The following CNTNAP2 variants were observed in gnomAD, a reference collection of about 807,000 sequenced individuals.
CNTNAP2 encodes the protein contactin associated protein 2, also known as contactin-associated protein-like 2.
Under a neutral mutation model 155.2 loss-of-function variants are expected in CNTNAP2, and 98 were observed. The ratio of observed to expected loss-of-function variants is 0.63; its 90% CI spans 0.54 to 0.75. The LOEUF (loss-of-function observed/expected upper bound fraction) is 0.75. Among genes scored for constraint, CNTNAP2 ranks in the 30% least tolerant of loss-of-function variants. CNTNAP2 has a pLI of 0.00. For missense variants in CNTNAP2, 1,727 were observed against 1,688.1 expected (o/e 1.02, Z -0.40); for synonymous variants, 651 against 631.2 (o/e 1.03, Z -0.47).
intron 1 of CNTNAP2, among the ~76,000 whole-genome samples, chr7:146,764,426 C>T (rs1464530771): frequency 6.6e-6 from 1 of 151,464 alleles, no homozygotes; most frequent in Non-Finnish European, 1.5e-5. Flanking sequence ...ATTTGTTTTC[C>T]AGATTACAGC....
chr7:148,399,321 C>T (rs12538091), intron 22 of CNTNAP2, among the ~76,000 whole-genome samples: 28,540 of 149,466 alleles, frequency 0.19, 2,898 homozygotes, highest in Non-Finnish European at 0.22. Context: ...TTTAAAAATA[C>T]GTCTAGCCAG....
At chr7:147,744,591 A>G (rs1205645951) in intron 13 of CNTNAP2, among the ~76,000 whole-genome samples, 3 of 152,220 alleles carry the variant, frequency 2.0e-5, no homozygotes, top group African/African-American at 2.4e-5. Flanking sequence ...ATAAAATAAC[A>G]AAGATTGGAT....
intron 1 of CNTNAP2, among the ~76,000 whole-genome samples, chr7:146,662,812 T>G (rs897770716): frequency 1.3e-5 from 2 of 152,214 alleles, no homozygotes; most frequent in Non-Finnish European, 1.5e-5. Flanking sequence ...ATTGAACATT[T>G]TTTTAAATAC....
intron 9 of CNTNAP2, among the ~76,000 whole-genome samples, chr7:147,318,576 A>G (rs561818346): frequency 2.0e-5 from 3 of 152,178 alleles, no homozygotes; most frequent in Non-Finnish European, 4.4e-5. Context: ...CAGAAAACCA[A>G]CACCACATGT....
Position 147,984,434 on chromosome 7 carries a change from G to A in CNTNAP2, c.2383+6445G>A, listed in dbSNP as rs563873113. Among the ~76,000 whole-genome samples the A allele has an allele frequency of 2.4e-3, 358 of 152,218 alleles. 3 individuals carry two copies. The highest frequency in any genetic ancestry group is 8.4e-3 in the African/African-American group (349 of 41,534). Reference sequence around the variant, plus strand: ...GTACTGATGAGGAAACAGAAACAATGTTATTAGGTGCTTTGCCAATAAGTT... The same window carrying A: ...GTACTGATGAGGAAACAGAAACAATATTATTAGGTGCTTTGCCAATAAGTT... On this transcript the variant is annotated intron_variant, in intron 15 of 23. Transcript: ENST00000361727.
intron 1 of CNTNAP2, among the ~76,000 whole-genome samples, chr7:146,621,895 C>T (rs1028045865): frequency 5.9e-5 from 9 of 151,932 alleles, no homozygotes; most frequent in African/African-American, 2.2e-4. Context: ...ATTATTCCTC[C>T]CCATTTATTC....
intron 22 of CNTNAP2, among the ~76,000 whole-genome samples, chr7:148,392,470 A>AC (rs1563070825): frequency 1.3e-5 from 2 of 152,180 alleles, no homozygotes; most frequent in Non-Finnish European, 2.9e-5. Context: ...CCCAGAAAGG[A>AC]CCTGGGAGTC....
At chr7:146,987,453 A>G (rs2129238102) in intron 3 of CNTNAP2, among the ~76,000 whole-genome samples, 1 of 152,266 alleles carries the variant, frequency 6.6e-6, no homozygotes, top group African/African-American at 2.4e-5. Context: ...GTATGTCAGG[A>G]TTCCTATAGA....
intron 15 of CNTNAP2, among the ~76,000 whole-genome samples, chr7:148,100,848 C>T (rs1172992950): frequency 6.6e-6 from 1 of 152,016 alleles, no homozygotes; most frequent in Non-Finnish European, 1.5e-5. Flanking sequence ...TATAGCGGCA[C>T]TATTCACAAC....
intron 1 of CNTNAP2, among the ~76,000 whole-genome samples, chr7:146,486,356 G>T (rs1333633167): frequency 6.6e-6 from 1 of 152,060 alleles, no homozygotes; most frequent in Admixed American, 6.6e-5. Flanking sequence ...GAGCAACAGC[G>T]CCCAGCCACC....
chr7:147,803,815 C>CAAGA (rs1368655572), intron 13 of CNTNAP2, among the ~76,000 whole-genome samples: 2 of 152,320 alleles, frequency 1.3e-5, no homozygotes, highest in East Asian at 3.9e-4. Flanking sequence ...CCTTATCTCA[C>CAAGA]AAGAACCCTG....
At chr7:146,951,139 T>C (rs1418848088) in intron 3 of CNTNAP2, among the ~76,000 whole-genome samples, 1 of 152,176 alleles carries the variant, frequency 6.6e-6, no homozygotes, top group Non-Finnish European at 1.5e-5. Flanking sequence ...TTTGATGGGC[T>C]TGTTTGATTT....
chr7:146,721,875 G>GTGTGTGTATA (rs1332551916), intron 1 of CNTNAP2, among the ~76,000 whole-genome samples: 1 of 76,656 alleles, frequency 1.3e-5, no homozygotes, highest in African/African-American at 1.8e-4. Flanking sequence ...GTGTGTGTGT[G>GTGTGTGTATA]TATATATATA....
intron 1 of CNTNAP2, among the ~76,000 whole-genome samples, chr7:146,702,681 C>A (rs908439334): frequency 2.6e-5 from 4 of 151,950 alleles, no homozygotes; most frequent in Non-Finnish European, 5.9e-5. Flanking sequence ...TGGCACAGCC[C>A]AAAATATTTA....
chr7:148,370,318 G>C (rs569956645), intron 21 of CNTNAP2, among the ~76,000 whole-genome samples: 3 of 152,162 alleles, frequency 2.0e-5, no homozygotes, highest in Non-Finnish European at 4.4e-5. Context: ...GTCCCAGATA[G>C]GGAGCTCTGG....
intron 8 of CNTNAP2, among the ~76,000 whole-genome samples, chr7:147,137,070 G>C (rs115839695): frequency 6.6e-6 from 1 of 151,512 alleles, no homozygotes; most frequent in Non-Finnish European, 1.5e-5. Context: ...TTAAATTTAA[G>C]TTTTTCTGAT....
At chr7:146,733,987 C>A (rs1801569854) in intron 1 of CNTNAP2, among the ~76,000 whole-genome samples, 1 of 152,096 alleles carries the variant, frequency 6.6e-6, no homozygotes, top group Non-Finnish European at 1.5e-5. Context: ...ATGCTGGCTA[C>A]ATTGGTACAT....
intron 15 of CNTNAP2, among the ~76,000 whole-genome samples, chr7:148,096,072 CT>C (rs1193133597): frequency 3.9e-5 from 6 of 152,152 alleles, no homozygotes; most frequent in Admixed American, 6.5e-5. Context: ...CCAATTTATA[CT>C]TTATTTTTCT....
At chr7:146,488,664 G>GT (rs1797094607) in intron 1 of CNTNAP2, among the ~76,000 whole-genome samples, 1 of 152,004 alleles carries the variant, frequency 6.6e-6, no homozygotes, top group Admixed American at 6.6e-5. Flanking sequence ...GTCTCACTCT[G>GT]TTTTTTGTGC....
Sources: allele counts gnomAD v4.1 joint callset (sites outside exome capture counted in the v4.1 genomes callset), GRCh38; gene constraint gnomAD v4.1.1; transcripts MANE v1.5; gene names NCBI Gene and HGNC (gene_info 2026-07-23, HGNC 2026-07-21).